The following FYB2 variants were observed in gnomAD, a reference collection of about 807,000 sequenced individuals.
FYB2 encodes the protein FYN binding protein 2.
In FYB2, 103 loss-of-function variants were observed where a neutral mutation model predicts 94.1. That is an observed-to-expected ratio of 1.09 (90% CI 0.93 to 1.29). The LOEUF is 1.29. Among genes scored for constraint, FYB2 ranks in the 50% most tolerant of loss-of-function variants. The pLI is 0.00. For synonymous variants in FYB2, 293 were observed against 287.9 expected, an observed-to-expected ratio of 1.02 and a Z score of -0.18; for missense variants, 896 against 841.5, an observed-to-expected ratio of 1.06 and a Z score of -0.80.
At chr1:56,752,459 A>C (rs1645222094) in intron 8 of FYB2, among the ~76,000 whole-genome samples, 1 of 152,064 alleles carries the variant, frequency 6.6e-6, no homozygotes, top group African/African-American at 2.4e-5. Context: ...ACTTGGGAAA[A>C]GCTAATGTAA....
At chr1:56,793,262 C>A (rs1646316478) in intron 1 of FYB2, among the ~76,000 whole-genome samples, 1 of 152,082 alleles carries the variant, frequency 6.6e-6, no homozygotes. Context: ...ACCCTTAAAC[C>A]AAACAGAACT....
chr1:56,741,915 A>G (rs554556758), intron 12 of FYB2, among the ~76,000 whole-genome samples: 1 of 152,234 alleles, frequency 6.6e-6, no homozygotes, highest in South Asian at 2.1e-4. Flanking sequence ...CTCAAAAGCG[A>G]GAACAATGTG....
At chr1:56,783,314 T>A (rs1646051376) in intron 4 of FYB2, among the ~76,000 whole-genome samples, 1 of 152,206 alleles carries the variant, frequency 6.6e-6, no homozygotes, top group Non-Finnish European at 1.5e-5. Flanking sequence ...GGTTTAAATC[T>A]ATGCCAATGT....
chr1:56,818,924 C>T (rs17114407), intron 1 of FYB2, among the ~76,000 whole-genome samples: 1 of 152,138 alleles, frequency 6.6e-6, no homozygotes, highest in Non-Finnish European at 1.5e-5. Flanking sequence ...AGGCCAGATA[C>T]AGTCCACAAG....
At chr1:56,794,354 T>G (rs1646345938) in intron 1 of FYB2, among the ~76,000 whole-genome samples, 1 of 152,238 alleles carries the variant, frequency 6.6e-6, no homozygotes, top group African/African-American at 2.4e-5. Flanking sequence ...TTCTGTCATC[T>G]TTTGCTTTCG....
chr1:56,806,104 G>A (rs755724126), intron 1 of FYB2, among the ~76,000 whole-genome samples: 1 of 152,228 alleles, frequency 6.6e-6, no homozygotes, highest in East Asian at 1.9e-4. Flanking sequence ...TAACATAAAT[G>A]CATGAGGCAG....
chr1:56,807,056 G>A (rs1373079867), intron 1 of FYB2, among the ~76,000 whole-genome samples: 1 of 152,134 alleles, frequency 6.6e-6, no homozygotes, highest in East Asian at 1.9e-4. Context: ...CCTAGAACAG[G>A]AGGCTTCACT....
intron 4 of FYB2, among the ~76,000 whole-genome samples, chr1:56,784,757 G>T (rs568707278): frequency 6.6e-6 from 1 of 152,074 alleles, no homozygotes; most frequent in Non-Finnish European, 1.5e-5. Context: ...CTATCTGTTT[G>T]TCCATCTGTC....
At chr1:56,759,743 A>G (rs905259183) in intron 5 of FYB2, among the ~76,000 whole-genome samples, 8 of 152,232 alleles carry the variant, frequency 5.3e-5, no homozygotes, top group African/African-American at 1.7e-4. Context: ...AAATTGACCA[A>G]TTGGTACCTG....
At chr1:56,741,295 T>C (rs1644946961) in intron 12 of FYB2, among the ~76,000 whole-genome samples, 2 of 152,094 alleles carry the variant, frequency 1.3e-5, no homozygotes, top group Admixed American at 6.6e-5. Flanking sequence ...CTGCAAGTAA[T>C]CTCTATTTTG....
At chr1:56,821,753 A>G (rs1646994162), upstream of FYB2, among the ~76,000 whole-genome samples, 1 of 152,098 alleles carries the variant, frequency 6.6e-6, no homozygotes, top group South Asian at 2.1e-4. Flanking sequence ...CCCTGTAATA[A>G]TCCCAGTTTT....
chr1:56,751,296 G>A, intron 8 of FYB2, 93 bp from the exon 9 acceptor site: 1 of 1,231,886 alleles, frequency 8.1e-7, no homozygotes, highest in Non-Finnish European at 1.1e-6. Flanking sequence ...ATTCCTCATG[G>A]ATAACAATTA....
intron 1 of FYB2, among the ~76,000 whole-genome samples, chr1:56,794,009 C>A (rs1335411928): frequency 2.0e-5 from 3 of 152,118 alleles, no homozygotes; most frequent in East Asian, 1.9e-4. Context: ...AGTATTAGGG[C>A]CATTATAAGT....
At chr1:56,823,414 G>T (rs115460516), upstream of FYB2, among the ~76,000 whole-genome samples, 3 of 152,244 alleles carry the variant, frequency 2.0e-5, 1 homozygote, top group Middle Eastern at 0.01. Context: ...GGGACAATTC[G>T]TATAAGGTAT....
At chr1:56,733,625 A>T (rs1156783680) in intron 15 of FYB2, among the ~76,000 whole-genome samples, 3 of 152,182 alleles carry the variant, frequency 2.0e-5, no homozygotes, top group Admixed American at 6.6e-5. Context: ...AGATTCTGGT[A>T]CGTTGTGTCT....
chr1:56,740,956 G>A (rs1343841695), intron 12 of FYB2, among the ~76,000 whole-genome samples, 161 bp from the exon 13 acceptor site: 2 of 151,986 alleles, frequency 1.3e-5, no homozygotes, highest in East Asian at 3.9e-4. Context: ...CGACACTGGG[G>A]ACTCCAAAAA....
intron 4 of FYB2, among the ~76,000 whole-genome samples, chr1:56,782,640 T>A (rs1307910152): frequency 9.9e-5 from 15 of 152,120 alleles, no homozygotes; most frequent in African/African-American, 3.4e-4. Flanking sequence ...TTATCAGCTT[T>A]TAATAAAAGC....
At chr1:56,776,166 C>G (rs986606689) in intron 4 of FYB2, among the ~76,000 whole-genome samples, 2 of 152,090 alleles carry the variant, frequency 1.3e-5, no homozygotes, top group African/African-American at 4.8e-5. Context: ...AATAATGAAG[C>G]ACCAGACGAT....
intron 5 of FYB2, among the ~76,000 whole-genome samples, chr1:56,766,717 G>A (rs185561298): frequency 2.6e-5 from 4 of 152,174 alleles, no homozygotes; most frequent in Admixed American, 2.6e-4. Flanking sequence ...GATTACAGGC[G>A]TGAGCCACTG....
Sources: allele counts gnomAD v4.1 joint callset (sites outside exome capture counted in the v4.1 genomes callset), GRCh38; gene constraint gnomAD v4.1.1; transcripts MANE v1.5; gene names NCBI Gene and HGNC (gene_info 2026-07-23, HGNC 2026-07-21).